TCF7L1: variants seen among roughly 807,000 people sequenced by gnomAD.
TCF7L1 encodes the protein transcription factor 7-like 1.
Under a neutral mutation model 63.7 loss-of-function variants are expected in TCF7L1, and 18 were observed. The observed-to-expected ratio is 0.28, with a 90% CI of 0.20 to 0.42. The LOEUF (loss-of-function observed/expected upper bound fraction) is 0.42, where lower values mean the gene tolerates loss of function less well. Among genes scored for constraint, TCF7L1 ranks in the 10% least tolerant of loss-of-function variants. The probability of loss-of-function intolerance (pLI) is 1.00; values close to 1 mark genes in which losing one functional copy is unlikely to be tolerated. For synonymous variants in TCF7L1, 355 were observed against 340.9 expected, an observed-to-expected ratio of 1.04 and a Z score of -0.46; for missense variants, 654 against 779.3, an observed-to-expected ratio of 0.84 and a Z score of 1.91.
intron 3 of TCF7L1, among the ~76,000 whole-genome samples, chr2:85,280,310 A>G (rs1681381144): frequency 1.3e-5 from 2 of 152,210 alleles, no homozygotes; most frequent in Non-Finnish European, 2.9e-5. Context: ...CACCCCCAAT[A>G]AAAAAAGTAT....
At position 85,255,811 on chromosome 2, in the gene TCF7L1, C is replaced by T. The variant is rs577882999; in HGVS notation, c.442-27684C>T. 5.3e-5 allele frequency among the ~76,000 whole-genome samples: 8 copies of T among 152,276 alleles called. No individual in the cohort carries two copies. In the South Asian group the frequency reaches 1.7e-3, roughly 32 times the overall value. ...CAGGTGCCCAGAGCCAGGAATGAGCCGCCTGTGGTGATTCCTGTGTGTCTG... is the reference window on the plus strand; with the variant it reads ...CAGGTGCCCAGAGCCAGGAATGAGCTGCCTGTGGTGATTCCTGTGTGTCTG... On this transcript the variant is annotated intron_variant, in intron 3 of 11. Coordinates refer to ENST00000282111, the MANE Select transcript of TCF7L1 (RefSeq NM_031283.3).
chr2:85,153,317 C>T lies in TCF7L1; in HGVS notation c.441+18867C>T, dbSNP rs1417267250. On this transcript the variant is annotated intron_variant, in intron 3 of 11. Transcript: ENST00000282111. ...TATCTGTTTTAGTGGTCCTGGGTTT[C>T]ATGATCTTGCTAGCCTTTATAAATT... Among the ~76,000 whole-genome samples the T allele has an allele frequency of 2.8e-5, 4 of 144,850 alleles. No homozygotes were observed. In the South Asian group the frequency reaches 8.7e-4, roughly 32 times the overall value.
chr2:85,185,519 G>C (rs1186621313), intron 3 of TCF7L1, among the ~76,000 whole-genome samples: 1 of 152,102 alleles, frequency 6.6e-6, no homozygotes, highest in Non-Finnish European at 1.5e-5. Context: ...TCTCAAGCAG[G>C]AGCCAGCCGA....
At chr2:85,144,993 G>A (rs976728774) in intron 3 of TCF7L1, among the ~76,000 whole-genome samples, 1 of 151,386 alleles carries the variant, frequency 6.6e-6, no homozygotes, top group Non-Finnish European at 1.5e-5. Context: ...GCTGAGGCGG[G>A]AGAATTGCTT....
At chr2:85,261,880 C>CT (rs1267141212) in intron 3 of TCF7L1, among the ~76,000 whole-genome samples, 35 of 152,062 alleles carry the variant, frequency 2.3e-4, no homozygotes, top group East Asian at 7.7e-4. Context: ...GACAGCATCT[C>CT]TTTTTTTGTT....
intron 3 of TCF7L1, among the ~76,000 whole-genome samples, chr2:85,257,904 C>A (rs1435917454): frequency 1.3e-5 from 2 of 152,178 alleles, no homozygotes; most frequent in Non-Finnish European, 2.9e-5. Context: ...GATTCGGGAT[C>A]AGGAAATGAT....
intron 3 of TCF7L1, among the ~76,000 whole-genome samples, chr2:85,169,757 A>G (rs1266355162): frequency 1.3e-5 from 2 of 152,176 alleles, no homozygotes; most frequent in African/African-American, 4.8e-5. Context: ...AGGTGACAGT[A>G]CAACCAGCTC....
In TCF7L1 at chr2:85,258,765, CT is replaced by C. The variant is rs576232559; in HGVS notation, c.442-24729del. ...CAGATATTGGGGTTGGGGGGGCTGT[CT>C]GCATGCCCTTCCTTCCCCAGTGGGT... On this transcript the variant is annotated intron_variant, in intron 3 of 11. Coordinates refer to ENST00000282111, the MANE Select transcript of TCF7L1 (RefSeq NM_031283.3). Among the ~76,000 whole-genome samples the C allele has an allele frequency of 1.1e-3, 175 of 152,320 alleles. 1 individual carries two copies. Among genetic ancestry groups the C allele is most frequent in the Admixed American group, 4.4e-3 (67 of 15,300 alleles).
At chr2:85,150,528 G>A (rs140724236) in intron 3 of TCF7L1, among the ~76,000 whole-genome samples, 54 of 151,932 alleles carry the variant, frequency 3.6e-4, no homozygotes, top group South Asian at 3.5e-3. Flanking sequence ...CACCGCGCCC[G>A]GCCATGTTCT....
intron 3 of TCF7L1, among the ~76,000 whole-genome samples, chr2:85,181,479 A>G (rs1180797025): frequency 6.6e-6 from 1 of 152,114 alleles, no homozygotes; most frequent in Non-Finnish European, 1.5e-5. Flanking sequence ...AGCCCGGAGG[A>G]AAAAAAGAAC....
intron 3 of TCF7L1, among the ~76,000 whole-genome samples, chr2:85,231,519 CA>C (rs1680081285): frequency 1.3e-5 from 2 of 152,202 alleles, no homozygotes; most frequent in Admixed American, 1.3e-4. Context: ...CTGATGGTCT[CA>C]TACAACATCA....
Position 85,134,329 on chromosome 2 carries a change from G to A in TCF7L1, c.320G>A (p.Arg107Lys). The A allele has an allele frequency of 6.3e-7, 1 of 1,584,200 alleles. No homozygotes were observed. The highest frequency in any genetic ancestry group is 8.6e-7 in the Non-Finnish European group (1 of 1,164,552). Residue 107 changes from arginine to lysine, a missense_variant, in exon 3 of 12, where the codon AGG becomes AAG. Physicochemically the swap from Arg to Lys is conservative, Grantham distance 26 (BLOSUM62 2). Coordinates refer to ENST00000282111, the MANE Select transcript of TCF7L1 (RefSeq NM_031283.3). The surrounding 1 kb of genome is among the most constrained non-coding windows in gnomAD (Gnocchi z 5.0). ...KPRDYFAEVRRPQDSAFFKGP... is the reference protein window; with the variant it reads ...KPRDYFAEVRKPQDSAFFKGP... The stretch of plus-strand genomic sequence containing the variant: ...GCCTTGGTCTTGTTCGCAGTGAGAA[G>A]GCCTCAGGACAGCGCGTTCTTTAAA...
intron 3 of TCF7L1, among the ~76,000 whole-genome samples, chr2:85,265,615 T>C (rs1048870261): frequency 3.9e-5 from 6 of 152,158 alleles, no homozygotes; most frequent in African/African-American, 1.2e-4. Flanking sequence ...CCAGGAACCA[T>C]TGAAGGCTTC....
At position 85,250,223 on chromosome 2, in the gene TCF7L1, G is replaced by A. The variant is rs1003398282; in HGVS notation, c.442-33272G>A. Among the ~76,000 whole-genome samples the A allele has an allele frequency of 5.3e-5, 8 of 152,070 alleles. No homozygotes were observed. The South Asian group carries it at 1.2e-3, about 24-fold the overall frequency. Reference sequence around the variant, plus strand: ...CTGTGGCTGATTTCAAGCTACCAACGTGACATCACTGAACACTGAGTTTGA... The same window carrying A: ...CTGTGGCTGATTTCAAGCTACCAACATGACATCACTGAACACTGAGTTTGA... On this transcript the variant is annotated intron_variant, in intron 3 of 11. Coordinates refer to ENST00000282111, the MANE Select transcript of TCF7L1 (RefSeq NM_031283.3).
At chr2:85,233,109 T>G (rs1015411212) in intron 3 of TCF7L1, 1 of 152,008 alleles carries the variant, frequency 6.6e-6, no homozygotes, top group Non-Finnish European at 1.5e-5. Flanking sequence ...CTTTTTGGGT[T>G]GTTTTGTAGA....
chr2:85,210,235 C>T (rs369636096), intron 3 of TCF7L1, among the ~76,000 whole-genome samples: 2 of 152,228 alleles, frequency 1.3e-5, no homozygotes, highest in South Asian at 2.1e-4. Context: ...CTCGCTCCTG[C>T]CTGGCCCCTT....
intron 3 of TCF7L1, among the ~76,000 whole-genome samples, chr2:85,243,465 G>A (rs994414643): frequency 1.3e-5 from 2 of 152,146 alleles, no homozygotes; most frequent in African/African-American, 4.8e-5. Context: ...GGGTTCGAGG[G>A]GAAGGGAAGG....
In TCF7L1 at chr2:85,309,569, GTTC is replaced by G; in HGVS notation, c.*109_*111del. The stretch of plus-strand genomic sequence containing the variant: ...GGTCAATATTTGACCACTCTGGACT[GTTC>G]TGTAAAGTGGCTGGTAACAACAGCA... On this transcript the variant is annotated 3_prime_UTR_variant, in exon 12 of 12. Transcript: ENST00000282111. The G allele has an allele frequency of 8.7e-7, 1 of 1,149,666 alleles. No individual in the cohort carries two copies. The allele number at this position is 1,149,666 out of a possible 1,614,324, so 71.2% of individuals were successfully genotyped here.
intron 3 of TCF7L1, among the ~76,000 whole-genome samples, chr2:85,197,788 T>C (rs144390011): frequency 7.2e-5 from 11 of 152,354 alleles, no homozygotes; most frequent in African/African-American, 2.6e-4. Flanking sequence ...TTTCCTCTGC[T>C]GAGAGTTTGA....
Sources: gnomAD v4.1 joint callset for allele counts (sites outside exome capture counted in the v4.1 genomes callset) on GRCh38, gnomAD v4.1.1 for gene constraint, Gnocchi (gnomAD v3.1) non-coding constraint, MANE v1.5 for transcripts, NCBI Gene and HGNC (gene_info 2026-07-23, HGNC 2026-07-21) for gene names.